The following G2E3 variants were observed in gnomAD, a reference collection of about 807,000 sequenced individuals.
The protein encoded by G2E3 is G2/M-phase specific E3 ubiquitin protein ligase.
In G2E3, 35 loss-of-function variants were observed where a neutral mutation model predicts 92.8. The ratio of observed to expected loss-of-function variants is 0.38; its 90% CI spans 0.29 to 0.50. The LOEUF is 0.50. G2E3 is among the 20% of genes least tolerant of loss of function. The probability of loss-of-function intolerance (pLI) is 0.94; values close to 1 mark genes in which losing one functional copy is unlikely to be tolerated. For missense variants in G2E3, 554 were observed against 823.8 expected (o/e 0.67, Z 4.01); for synonymous variants, 242 against 272.4 (o/e 0.89, Z 1.10).
rs1159982969 is a variant in G2E3 at position 30,617,398 on chromosome 14, T to C, written c.*864T>C. On this transcript the variant is annotated 3_prime_UTR_variant, in exon 15 of 15. Transcript: ENST00000206595. The stretch of plus-strand genomic sequence containing the variant: ...AAGCCTTGGCTTTAATCATGGGAAA[T>C]TGTTGTTGTTGTTGTTGTTGTTTGT... 2 of 142,334 alleles carry C rather than the reference T, an allele frequency of 1.4e-5. No individual in the cohort carries two copies. The highest frequency in any genetic ancestry group is 2.1e-4 in the South Asian group (1 of 4,740). The allele number at this position is 142,334 out of a possible 1,614,324, so 8.8% of individuals were successfully genotyped here.
At chr14:30,574,330 C>T (rs1475886829) in intron 1 of G2E3, among the ~76,000 whole-genome samples, 1 of 151,974 alleles carries the variant, frequency 6.6e-6, no homozygotes, top group Non-Finnish European at 1.5e-5. Flanking sequence ...TCGGTGATGT[C>T]CTTTGGAGCA....
chr14:30,604,032 G>A (rs1319369680), intron 10 of G2E3, among the ~76,000 whole-genome samples: 1 of 152,094 alleles, frequency 6.6e-6, no homozygotes, highest in African/African-American at 2.4e-5. Context: ...AACACTTTTA[G>A]TATCAAAATA....
At chr14:30,589,826 T>C (rs926976999) in intron 4 of G2E3, among the ~76,000 whole-genome samples, 14 of 152,070 alleles carry the variant, frequency 9.2e-5, no homozygotes, top group African/African-American at 2.4e-4. Context: ...TCTCTAAACC[T>C]TTGATCCTGA....
At position 30,617,659 on chromosome 14, in the gene G2E3, G is replaced by A. The variant is rs1882376326; in HGVS notation, c.*1125G>A. The A allele has an allele frequency of 6.6e-6, 1 of 152,036 alleles. No homozygotes were observed. The highest frequency in any genetic ancestry group is 1.5e-5 in the Non-Finnish European group (1 of 67,946). The allele number at this position is 152,036 out of a possible 1,614,324, so 9.4% of individuals were successfully genotyped here. A position where few individuals can be genotyped will look rare whatever the true frequency, so the allele number is the denominator to read the frequency against. Reference sequence around the variant, plus strand: ...GATAGAATGAAAAACCCATTCTAATGTCACCACTCAGAGATAAGTACCGTA... The same window carrying A: ...GATAGAATGAAAAACCCATTCTAATATCACCACTCAGAGATAAGTACCGTA... On this transcript the variant is annotated 3_prime_UTR_variant, in exon 15 of 15. Coordinates refer to ENST00000206595, the MANE Select transcript of G2E3 (RefSeq NM_017769.5).
chr14:30,610,101 A>G (rs186570093), intron 12 of G2E3, among the ~76,000 whole-genome samples: 74 of 152,078 alleles, frequency 4.9e-4, no homozygotes, highest in African/African-American at 1.5e-3. Flanking sequence ...TAAGACCTTC[A>G]CCTCTCTTCA....
rs569109603 is a variant in G2E3, at chr14:30,597,401, T to C, written c.529-19T>C. 8.1e-7 allele frequency: 1 copy of C among 1,232,720 alleles called. No individual in the cohort carries two copies. Among genetic ancestry groups the C allele is most frequent in the African/African-American group, 1.5e-5 (1 of 67,740 alleles). 76.4% of individuals were successfully genotyped at this position (1,232,720 alleles called of 1,614,324 possible). ...CAGATTTAAATCATTAACAGTAGAC[T>C]TTTTATTTTCCACTGTAGGTTCAAG... On this transcript the variant is annotated intron_variant, in intron 6 of 14. Transcript: ENST00000206595.
chr14:30,609,070 A>G (rs1881968108), intron 12 of G2E3, among the ~76,000 whole-genome samples: 1 of 152,232 alleles, frequency 6.6e-6, no homozygotes, highest in Non-Finnish European at 1.5e-5. Flanking sequence ...GGGCATATTA[A>G]TCTTACTAAA....
At chr14:30,598,278 T>C in intron 7 of G2E3, 1 of 409,812 alleles carries the variant, frequency 2.4e-6, no homozygotes, top group Non-Finnish European at 4.5e-6. Flanking sequence ...CCCAGCTACT[T>C]GGGAGGCTGA....
chr14:30,602,202 C>A, intron 10 of G2E3, 71 bp downstream of exon 10: 1 of 1,191,074 alleles, frequency 8.4e-7, no homozygotes, highest in Non-Finnish European at 1.2e-6. Flanking sequence ...ATGCCATATA[C>A]ATTTAGAATA....
In G2E3 at chr14:30,593,651, A is replaced by G. The variant is rs776098583; in HGVS notation, c.528+12A>G. 34 of 1,570,292 alleles carry G rather than the reference A, an allele frequency of 2.2e-5. No homozygotes were observed. The Admixed American group carries it at 2.8e-4, about 13-fold the overall frequency. The stretch of plus-strand genomic sequence containing the variant: ...GAGACTGTTTACAGGTAAGATACAT[A>G]TTTTGTAAGCTTTCTCTGATTGATA... On this transcript the variant is annotated intron_variant, in intron 6 of 14. Coordinates refer to ENST00000206595, the MANE Select transcript of G2E3 (RefSeq NM_017769.5).
chr14:30,599,684 T>G (rs1175245197), intron 8 of G2E3, among the ~76,000 whole-genome samples: 1 of 152,190 alleles, frequency 6.6e-6, no homozygotes, highest in Non-Finnish European at 1.5e-5. Flanking sequence ...ACCAAATAAC[T>G]TAAAATTTGT....
chr14:30,598,950 C>T (rs1316336621), intron 8 of G2E3, among the ~76,000 whole-genome samples: 1 of 152,128 alleles, frequency 6.6e-6, no homozygotes, highest in Non-Finnish European at 1.5e-5. Context: ...ACTAGGGCTG[C>T]CATTAACAAA....
chr14:30,605,496 G>C lies in G2E3; in HGVS notation c.1011-9G>C. On this transcript the variant is annotated splice_polypyrimidine_tract_variant and intron_variant, in intron 10 of 14. Transcript: ENST00000206595. ...TACTTATCTCTATATTTAAATTCAT[G>C]TTTTATAGGCAAGGCAGCAAATTTA... 1 of 1,167,974 alleles carries C rather than the reference G, an allele frequency of 8.6e-7. No homozygotes were observed. Among genetic ancestry groups the C allele is most frequent in the Non-Finnish European group, 1.2e-6 (1 of 820,846 alleles). 72.4% of individuals were successfully genotyped at this position (1,167,974 alleles called of 1,614,324 possible).
intron 1 of G2E3, among the ~76,000 whole-genome samples, chr14:30,568,417 T>C (rs1425634395): frequency 6.6e-6 from 1 of 152,152 alleles, no homozygotes; most frequent in Non-Finnish European, 1.5e-5. Context: ...TAATTACTGT[T>C]AAGGAAGGAT....
intron 1 of G2E3, among the ~76,000 whole-genome samples, chr14:30,561,579 T>C (rs1451337031): frequency 6.6e-6 from 1 of 152,226 alleles, no homozygotes; most frequent in East Asian, 1.9e-4. Flanking sequence ...ATCTATCTCT[T>C]ATTACATTTT....
intron 11 of G2E3, among the ~76,000 whole-genome samples, chr14:30,606,364 A>G (rs1194986953): frequency 6.6e-6 from 1 of 152,026 alleles, no homozygotes; most frequent in Non-Finnish European, 1.5e-5. Flanking sequence ...AGGGGCTTTT[A>G]TACTACTTTT....
chr14:30,615,029 A>C (rs1882249567), intron 13 of G2E3, among the ~76,000 whole-genome samples: 1 of 152,180 alleles, frequency 6.6e-6, no homozygotes, highest in Non-Finnish European at 1.5e-5. Context: ...AAAACACTTC[A>C]GATTTTGATG....
chr14:30,567,104 A>G (rs73258118), intron 1 of G2E3, among the ~76,000 whole-genome samples: 2,558 of 152,246 alleles, frequency 0.017, 92 homozygotes, highest in African/African-American at 0.058. Flanking sequence ...ATTTGCATCT[A>G]TGTTCATAAG....
intron 13 of G2E3, among the ~76,000 whole-genome samples, chr14:30,613,698 G>GT (rs200219517): frequency 0.039 from 5,603 of 144,226 alleles, 328 homozygotes; most frequent in African/African-American, 0.13. Context: ...AATCTATTTT[G>GT]TTTTTTTTTT....
Sources: allele counts gnomAD v4.1 joint callset (sites outside exome capture counted in the v4.1 genomes callset), GRCh38; gene constraint gnomAD v4.1.1; transcripts MANE v1.5; gene names NCBI Gene and HGNC (gene_info 2026-07-23, HGNC 2026-07-21).